The following CSRP1 variants were observed in gnomAD, a reference collection of about 807,000 sequenced individuals.
CSRP1 encodes the protein cysteine and glycine-rich protein 1.
In CSRP1, 16 loss-of-function variants were observed where a neutral mutation model predicts 25.4. The observed-to-expected ratio is 0.63, with a 90% CI of 0.43 to 0.96. The LOEUF is 0.96. Ranked by LOEUF, CSRP1 falls within the 40% of genes least tolerant of loss-of-function variation. The pLI is 0.00. For synonymous variants in CSRP1, 97 were observed against 95.3 expected, an observed-to-expected ratio of 1.02 and a Z score of -0.10; for missense variants, 212 against 243.6, an observed-to-expected ratio of 0.87 and a Z score of 0.86.
intron 1 of CSRP1, among the ~76,000 whole-genome samples, chr1:201,500,378 T>C (rs1664630274): frequency 6.6e-6 from 1 of 152,222 alleles, no homozygotes. Flanking sequence ...CCTGGCTCCG[T>C]GTCAGGGGCC....
Position 201,496,233 on chromosome 1 carries a change from T to G in CSRP1, c.71A>C (p.Gln24Pro), listed in dbSNP as rs142986141. 3.7e-6 allele frequency: 6 copies of G among 1,614,126 alleles called. No individual in the cohort carries two copies. In the African/African-American group the frequency reaches 8.0e-5, roughly 22 times the overall value. ...TTTATGGAAGCTGTTGCCTTCGCAC[T>G]GAACCTCTTCGGCAAAGTAAACCGT... The part of the protein sequence containing the change: ...QKTVYFAEEV[Q>P]CEGNSFHKSC... Residue 24 changes from glutamine to proline, a missense_variant, in exon 2 of 6, where the codon CAG becomes CCG. By Grantham distance (76) the Gln-to-Pro change is moderately conservative. Transcript: ENST00000340006.
Position 201,490,036 on chromosome 1 carries a change from G to A in CSRP1, c.281+140C>T, listed in dbSNP as rs1664279842. ...TGCAGCAGCCTGACACATAGACACT[G>A]CTCTGTGACTGCCTTTTAAATAACT... On this transcript the variant is annotated intron_variant, in intron 3 of 5. Coordinates refer to ENST00000340006, the MANE Select transcript of CSRP1 (RefSeq NM_004078.3). 1.3e-5 allele frequency: 11 copies of A among 825,626 alleles called. No homozygotes were observed. The Middle Eastern group carries it at 1.1e-3, about 80-fold the overall frequency. The allele number at this position is 825,626 out of a possible 1,614,324, so 51.1% of individuals were successfully genotyped here.
rs905509320 is a variant in CSRP1, at chr1:201,490,320, C to T, written c.137G>A (p.Ser46Asn). ...LCMVCKKNLD[S>N]TTVAVHGEEI... ...CTCACCATGCACGGCCACAGTGGTA[C>T]TGTCCAGATTCTTCTTGCAGACCAC... is the stretch of plus-strand genomic sequence containing the variant. The change falls in exon 3 of 6, where the codon AGT (serine) becomes AAT (asparagine). Residue 46 changes from serine (S) to asparagine (N), a missense_variant. Ser to Asn is a conservative substitution (Grantham distance 46). Transcript: ENST00000340006. 3.1e-6 allele frequency: 5 copies of T among 1,614,198 alleles called. No individual in the cohort carries two copies. The highest frequency in any genetic ancestry group is 4.2e-6 in the Non-Finnish European group (5 of 1,180,034).
At chr1:201,505,006 A>G (rs1664775885) in intron 1 of CSRP1, among the ~76,000 whole-genome samples, 2 of 152,190 alleles carry the variant, frequency 1.3e-5, no homozygotes, top group South Asian at 4.1e-4. Context: ...AGGCTGAGGC[A>G]GGAGAATCGC....
At chr1:201,499,602 T>C (rs1282900808) in intron 1 of CSRP1, among the ~76,000 whole-genome samples, 4 of 152,126 alleles carry the variant, frequency 2.6e-5, no homozygotes, top group Admixed American at 2.0e-4. Context: ...ATCAGATGGC[T>C]CATCTGCATC....
chr1:201,486,668 C>T, intron 4 of CSRP1: 1 of 1,046,096 alleles, frequency 9.6e-7, no homozygotes, highest in Non-Finnish European at 1.2e-6. Flanking sequence ...CCTCATATTT[C>T]CTAGCCACCT....
At chr1:201,485,684 G>C (rs755782096) in intron 4 of CSRP1, 3 of 370,876 alleles carry the variant, frequency 8.1e-6, no homozygotes, top group Non-Finnish European at 1.5e-5. Context: ...TACCCCACTG[G>C]CTGGGCCAGA....
intron 1 of CSRP1, 172 bp from the exon 2 acceptor site, chr1:201,496,476 T>G: frequency 1.6e-6 from 1 of 620,146 alleles, no homozygotes; most frequent in Admixed American, 2.5e-5. Flanking sequence ...GACAGCAGCC[T>G]CGCACGTTCT....
At position 201,489,899 on chromosome 1, in the gene CSRP1, C is replaced by T. The variant is rs914615197; in HGVS notation, c.281+277G>A. 2.7e-5 allele frequency: 9 copies of T among 338,692 alleles called. No individual in the cohort carries two copies. In the East Asian group the frequency reaches 4.4e-4, roughly 17 times the overall value. 21.0% of individuals were successfully genotyped at this position (338,692 alleles called of 1,614,324 possible). Reference sequence around the variant, plus strand: ...AAAAACAAAAAAAGAGGAAATTGGACTAAGTGATTCTTGGGGCCCCTCCCA... The same window carrying T: ...AAAAACAAAAAAAGAGGAAATTGGATTAAGTGATTCTTGGGGCCCCTCCCA... On this transcript the variant is annotated intron_variant, in intron 3 of 5. Coordinates refer to ENST00000340006, the MANE Select transcript of CSRP1 (RefSeq NM_004078.3).
chr1:201,488,781 A>G lies in CSRP1; in HGVS notation c.411+74T>C. 3 of 1,574,330 alleles carry G rather than the reference A, an allele frequency of 1.9e-6. No individual in the cohort carries two copies. The South Asian group carries it at 3.5e-5, about 18-fold the overall frequency. On this transcript the variant is annotated intron_variant, in intron 4 of 5. Transcript: ENST00000340006. Reference sequence around the variant, plus strand: ...TGCCCTGAGCAGAGCTAGGTCACCAATTTAAAAGTTCTGGAATCCACATTT... The same window carrying G: ...TGCCCTGAGCAGAGCTAGGTCACCAGTTTAAAAGTTCTGGAATCCACATTT...
At chr1:201,503,449 T>C (rs1025270342) in intron 1 of CSRP1, among the ~76,000 whole-genome samples, 2 of 152,170 alleles carry the variant, frequency 1.3e-5, no homozygotes, top group African/African-American at 2.4e-5. Flanking sequence ...ACGCCACCCC[T>C]GCATAAAGAA....
rs71564149 is a variant in CSRP1 at position 201,497,358 on chromosome 1, C to CAAAAAAAA, written c.-1-1062_-1-1055dup. On this transcript the variant is annotated intron_variant, in intron 1 of 5. Transcript: ENST00000340006. ...TGGGCAACAGAACAAGACTCTGTCT[C>CAAAAAAAA]AAAAAAAAAAAAAAAAAAAAAAAAA... Among the ~76,000 whole-genome samples, 3 of 44,576 alleles carry CAAAAAAAA rather than the reference C, an allele frequency of 6.7e-5. 1 individual carries two copies. Among genetic ancestry groups the CAAAAAAAA allele is most frequent in the Non-Finnish European group, 1.2e-4 (3 of 25,034 alleles). The allele number at this position is 44,576 out of a possible 152,430, so 29.2% of individuals were successfully genotyped here.
intron 2 of CSRP1, chr1:201,491,029 A>G (rs1332004427): frequency 6.6e-6 from 1 of 152,252 alleles, no homozygotes; most frequent in Non-Finnish European, 1.5e-5. Context: ...GGGGTAAGAG[A>G]GAGTGGAACG....
intron 4 of CSRP1, chr1:201,487,203 G>A: frequency 3.5e-6 from 1 of 283,910 alleles, no homozygotes. Flanking sequence ...TGAGGTCCAG[G>A]CTGGTTCAAG....
chr1:201,488,155 A>T (rs1664205900), intron 4 of CSRP1: 1 of 152,070 alleles, frequency 6.6e-6, no homozygotes, highest in Admixed American at 6.5e-5. Context: ...GACACTGCAA[A>T]CCCCAGGGGC....
In CSRP1 at chr1:201,496,274, A is replaced by G; in HGVS notation, c.30T>C (p.Cys10=). 6.2e-7 allele frequency: 1 copy of G among 1,614,098 alleles called. No homozygotes were observed. Among genetic ancestry groups the G allele is most frequent in the South Asian group, 1.1e-5 (1 of 91,084 alleles). Residue 10 remains cysteine (C), a synonymous_variant, in exon 2 of 6, where the codon TGT becomes TGC. Coordinates refer to ENST00000340006, the MANE Select transcript of CSRP1 (RefSeq NM_004078.3). MPNWGGGKK[C]GVCQKTVYFA... ...AGTAAACCGTCTTCTGACACACCCC[A>G]CATTTCTTGCCTCCTCCCCAGTTCG...
At chr1:201,505,632 GC>G (rs1664804843) in intron 1 of CSRP1, among the ~76,000 whole-genome samples, 1 of 152,174 alleles carries the variant, frequency 6.6e-6, no homozygotes, top group Non-Finnish European at 1.5e-5. Flanking sequence ...GACTGCCTCC[GC>G]CCCGGATATC....
chr1:201,484,104 C>T lies in CSRP1; in HGVS notation c.*609G>A. ...CCTCCCAGTCCTAGTGGGAGGCTAT[C>T]CATTCCACAAAGACTCAAAGGCAAG... is the stretch of plus-strand genomic sequence containing the variant. On this transcript the variant is annotated 3_prime_UTR_variant, in exon 6 of 6. Coordinates refer to ENST00000340006, the MANE Select transcript of CSRP1 (RefSeq NM_004078.3). 1 of 670,478 alleles carries T rather than the reference C, an allele frequency of 1.5e-6. No homozygotes were observed. Among genetic ancestry groups the T allele is most frequent in the Non-Finnish European group, 2.8e-6 (1 of 359,964 alleles). 41.5% of individuals were successfully genotyped at this position (670,478 alleles called of 1,614,324 possible). A position where few individuals can be genotyped will look rare whatever the true frequency, so the allele number is the denominator to read the frequency against.
At chr1:201,504,865 G>A (rs12076215) in intron 1 of CSRP1, among the ~76,000 whole-genome samples, 83,219 of 151,750 alleles carry the variant, frequency 0.55, 24,232 homozygotes, top group Middle Eastern at 0.66. Context: ...TTGGGAGGCC[G>A]AGGCAGGTGG....
Sources: gnomAD v4.1 joint callset for allele counts (sites outside exome capture counted in the v4.1 genomes callset) on GRCh38, gnomAD v4.1.1 for gene constraint, MANE v1.5 for transcripts, NCBI Gene and HGNC (gene_info 2026-07-23, HGNC 2026-07-21) for gene names.